ROBO1: variants seen among roughly 807,000 people sequenced by gnomAD.
ROBO1 encodes the protein roundabout guidance receptor 1.
In ROBO1, 149 loss-of-function variants were observed where a neutral mutation model predicts 195.9. The ratio of observed to expected loss-of-function variants is 0.76; its 90% CI spans 0.67 to 0.87. ROBO1 has a LOEUF of 0.87. ROBO1 is among the 40% of genes least tolerant of loss of function. ROBO1 has a pLI of 0.00. For synonymous variants in ROBO1, 816 were observed against 733.2 expected (o/e 1.11, Z -1.82); for missense variants, 1,933 against 2,068.3 (o/e 0.93, Z 1.27).
intron 2 of ROBO1, among the ~76,000 whole-genome samples, chr3:79,428,496 T>G (rs772693810): frequency 1.3e-5 from 2 of 152,152 alleles, no homozygotes; most frequent in African/African-American, 2.4e-5. Context: ...TCCTCATTAT[T>G]ATTTGGCAGT....
rs912312836 is a variant in ROBO1 at position 78,998,467 on chromosome 3, T to G, written c.173-59540A>C. ...ACATCAGATTATTATCTTAATATTTTGTAACATTTCAGGCATTGCATTTCA... is the reference window on the plus strand; with the variant it reads ...ACATCAGATTATTATCTTAATATTTGGTAACATTTCAGGCATTGCATTTCA... On this transcript the variant is annotated intron_variant, in intron 3 of 30. Coordinates refer to ENST00000464233, the MANE Select transcript of ROBO1 (RefSeq NM_002941.4). Among the ~76,000 whole-genome samples the G allele has an allele frequency of 4.6e-5, 7 of 152,302 alleles. No individual in the cohort carries two copies. The South Asian group carries it at 1.2e-3, about 27-fold the overall frequency.
intron 2 of ROBO1, among the ~76,000 whole-genome samples, chr3:79,535,553 T>C (rs377508481): frequency 6.6e-6 from 1 of 152,146 alleles, no homozygotes; most frequent in Non-Finnish European, 1.5e-5. Flanking sequence ...ATAACAAAGA[T>C]AGGAATTTTC....
intron 3 of ROBO1, chr3:79,018,944 C>A (rs988964333): frequency 7.4e-5 from 73 of 987,536 alleles, no homozygotes; most frequent in Non-Finnish European, 8.4e-5. Flanking sequence ...CAGCAGCGGG[C>A]CACCCGCGGC....
intron 5 of ROBO1, among the ~76,000 whole-genome samples, chr3:78,718,737 A>C (rs2081963350): frequency 6.7e-6 from 1 of 149,570 alleles, no homozygotes; most frequent in South Asian, 2.1e-4. Flanking sequence ...CAGAATGTTT[A>C]TTCATAGAGG....
intron 3 of ROBO1, among the ~76,000 whole-genome samples, chr3:78,991,360 G>A (rs2077233335): frequency 6.6e-6 from 1 of 152,184 alleles, no homozygotes; most frequent in South Asian, 2.1e-4. Flanking sequence ...AGTAGCTTTG[G>A]AAACCAAGAT....
chr3:79,728,462 G>A lies in ROBO1; in HGVS notation c.-51+39290C>T, dbSNP rs1396256594. Among the ~76,000 whole-genome samples the A allele has an allele frequency of 5.3e-5, 8 of 152,122 alleles. 1 individual carries two copies. The highest frequency in any genetic ancestry group is 4.1e-4 in the South Asian group (2 of 4,824). On this transcript the variant is annotated intron_variant, in intron 1 of 30. Coordinates refer to ENST00000464233, the MANE Select transcript of ROBO1 (RefSeq NM_002941.4). Reference sequence around the variant, plus strand: ...CGATAACTCTTTGTTTTGTTATACCGTTTCTGACCTTCAATGTTAACCTTG... The same window carrying A: ...CGATAACTCTTTGTTTTGTTATACCATTTCTGACCTTCAATGTTAACCTTG...
Position 79,101,942 on chromosome 3 carries a change from G to C in ROBO1, c.172+23514C>G, listed in dbSNP as rs1339415858. ...TTCATGTGAACCAATATATTGCTCA[G>C]CTCACACAGTTTTCATTTAATTGAA... On this transcript the variant is annotated intron_variant, in intron 3 of 30. Coordinates refer to ENST00000464233, the MANE Select transcript of ROBO1 (RefSeq NM_002941.4). Among the ~76,000 whole-genome samples, 3 of 151,890 alleles carry C rather than the reference G, an allele frequency of 2.0e-5. No individual in the cohort carries two copies. In the East Asian group the frequency reaches 5.8e-4, roughly 30 times the overall value.
At chr3:78,807,192 G>A (rs1296938785) in intron 4 of ROBO1, among the ~76,000 whole-genome samples, 1 of 152,162 alleles carries the variant, frequency 6.6e-6, no homozygotes, top group Non-Finnish European at 1.5e-5. Flanking sequence ...TGTACAAGGA[G>A]TGGTAGGATC....
At chr3:79,181,669 A>G (rs1559717725) in intron 2 of ROBO1, among the ~76,000 whole-genome samples, 1 of 152,120 alleles carries the variant, frequency 6.6e-6, no homozygotes, top group Admixed American at 6.5e-5. Context: ...TTTTCATCAG[A>G]TTCATATTTC....
intron 17 of ROBO1, among the ~76,000 whole-genome samples, chr3:78,659,131 A>G (rs529056358): frequency 7.7e-4 from 118 of 152,304 alleles, no homozygotes; most frequent in African/African-American, 2.7e-3. Flanking sequence ...CAGTATTGAG[A>G]CAGCCTTGAA....
intron 3 of ROBO1, among the ~76,000 whole-genome samples, chr3:78,985,875 T>G (rs577545455): frequency 3.3e-4 from 50 of 152,246 alleles, no homozygotes; most frequent in African/African-American, 1.2e-3. Context: ...AAATTCTGCC[T>G]AGTCAAATAT....
chr3:79,658,180 A>G (rs536954111), intron 1 of ROBO1, among the ~76,000 whole-genome samples: 2 of 152,278 alleles, frequency 1.3e-5, no homozygotes, highest in African/African-American at 4.8e-5. Context: ...AGCTTGAATA[A>G]TGAACACTTC....
At chr3:79,710,536 C>A (rs888862718) in intron 1 of ROBO1, among the ~76,000 whole-genome samples, 1 of 152,080 alleles carries the variant, frequency 6.6e-6, no homozygotes, top group East Asian at 1.9e-4. Flanking sequence ...CATTTCCCAT[C>A]CAAAAATAGC....
intron 2 of ROBO1, among the ~76,000 whole-genome samples, chr3:79,421,560 T>C (rs1465919280): frequency 1.3e-5 from 2 of 152,000 alleles, no homozygotes; most frequent in African/African-American, 4.8e-5. Context: ...ACAATGGACT[T>C]TCCAACCCAA....
chr3:79,254,496 A>C (rs1247082794), intron 2 of ROBO1, among the ~76,000 whole-genome samples: 1 of 152,066 alleles, frequency 6.6e-6, no homozygotes, highest in Non-Finnish European at 1.5e-5. Flanking sequence ...ACACACATAC[A>C]CACACAAAAT....
At chr3:78,886,069 G>A (rs2036552478) in intron 4 of ROBO1, among the ~76,000 whole-genome samples, 1 of 150,112 alleles carries the variant, frequency 6.7e-6, no homozygotes, top group Admixed American at 6.7e-5. Context: ...TTTTAGCTTT[G>A]TTTATAAAAA....
At chr3:79,599,648 G>T (rs1423535225) in intron 1 of ROBO1, among the ~76,000 whole-genome samples, 1 of 151,888 alleles carries the variant, frequency 6.6e-6, no homozygotes, top group African/African-American at 2.4e-5. Context: ...ATGCAAAAAA[G>T]CTCAAATCAA....
chr3:79,228,423 T>C lies in ROBO1; in HGVS notation c.89-102884A>G, dbSNP rs546983829. On this transcript the variant is annotated intron_variant, in intron 2 of 30. Transcript: ENST00000464233. ...GTAAATGTGAAGTACCTGCACCTTG[T>C]GATAAGGACAATAAAAATTTAAAAC... Among the ~76,000 whole-genome samples the C allele has an allele frequency of 6.6e-5, 10 of 152,282 alleles. No individual in the cohort carries two copies. In the South Asian group the frequency reaches 1.9e-3, roughly 28 times the overall value.
At chr3:79,494,559 A>G (rs572949546) in intron 2 of ROBO1, among the ~76,000 whole-genome samples, 4 of 152,302 alleles carry the variant, frequency 2.6e-5, no homozygotes, top group East Asian at 1.9e-4. Context: ...ATGAAACAAA[A>G]CAGAAGAAAT....
Sources: gnomAD v4.1 joint callset for allele counts (sites outside exome capture counted in the v4.1 genomes callset) on GRCh38, gnomAD v4.1.1 for gene constraint, MANE v1.5 for transcripts, NCBI Gene and HGNC (gene_info 2026-07-23, HGNC 2026-07-21) for gene names.